Variants in NAV2 observed in about 807,000 individuals in gnomAD.
NAV2 encodes neuron navigator 2, also known as helicase, APC down-regulated 1.
NAV2 carries 54 observed loss-of-function variants against 223.2 expected under a neutral mutation model. The observed-to-expected ratio is 0.24, with a 90% CI of 0.19 to 0.30. The LOEUF is 0.30. Among genes scored for constraint, NAV2 ranks in the 10% least tolerant of loss-of-function variants. NAV2 has a pLI of 1.00. For synonymous variants in NAV2, 1,279 were observed against 1,239.3 expected (o/e 1.03, Z -0.67); for missense variants, 2,806 against 3,147.5 (o/e 0.89, Z 2.60).
chr11:19,886,686 A>G (rs915450870), intron 5 of NAV2, among the ~76,000 whole-genome samples: 2 of 152,184 alleles, frequency 1.3e-5, no homozygotes, highest in African/African-American at 4.8e-5. Context: ...CTGGGGAAAT[A>G]TCTAATTGGA....
intron 11 of NAV2, among the ~76,000 whole-genome samples, chr11:20,028,885 A>G (rs1463109872): frequency 6.6e-6 from 1 of 152,194 alleles, no homozygotes; most frequent in Non-Finnish European, 1.5e-5. Flanking sequence ...CCTCTATACC[A>G]GAGTTTGCAA....
chr11:19,639,269 A>C (rs1306583370), intron 1 of NAV2, among the ~76,000 whole-genome samples: 2 of 152,194 alleles, frequency 1.3e-5, no homozygotes, highest in African/African-American at 4.8e-5. Context: ...AGAAGATGAA[A>C]CAGATTCACT....
chr11:19,405,000 C>G (rs1158940092), intron 1 of NAV2, among the ~76,000 whole-genome samples: 1 of 152,110 alleles, frequency 6.6e-6, no homozygotes, highest in African/African-American at 2.4e-5. Flanking sequence ...AGGCAGTGTA[C>G]AAGGACTGTG....
rs1232912643 is a variant in NAV2 at position 19,533,554 on chromosome 11, C to T, written c.75+182527C>T. Among the ~76,000 whole-genome samples, 6 of 152,238 alleles carry T rather than the reference C, an allele frequency of 3.9e-5. No homozygotes were observed. The East Asian group carries it at 1.2e-3, about 29-fold the overall frequency. On this transcript the variant is annotated intron_variant, in intron 1 of 37. Transcript: ENST00000360655. ...CATCCTCCTGCAGGGCTGGGTGAAA[C>T]CCCAATGAAACCAGGTTCTCCCTGT...
intron 1 of NAV2, among the ~76,000 whole-genome samples, chr11:19,696,722 C>T (rs2049352994): frequency 6.6e-6 from 1 of 152,190 alleles, no homozygotes; most frequent in Non-Finnish European, 1.5e-5. Context: ...AAAACTATTC[C>T]CAAGATGCTG....
intron 3 of NAV2, among the ~76,000 whole-genome samples, chr11:19,845,711 C>A (rs1297021099): frequency 1.3e-5 from 2 of 152,166 alleles, no homozygotes; most frequent in African/African-American, 4.8e-5. Flanking sequence ...CACTAGGCTG[C>A]CCAGCTGCTC....
At chr11:19,574,216 C>A (rs780013777) in intron 1 of NAV2, among the ~76,000 whole-genome samples, 21 of 152,328 alleles carry the variant, frequency 1.4e-4, no homozygotes, top group Non-Finnish European at 3.1e-4. Context: ...ATCATGCTTA[C>A]CTCCCAAACT....
chr11:19,502,498 A>T (rs1174289635), intron 1 of NAV2, among the ~76,000 whole-genome samples: 1 of 152,202 alleles, frequency 6.6e-6, no homozygotes, highest in African/African-American at 2.4e-5. Flanking sequence ...AATTAAGATG[A>T]AGCAGAAAAA....
intron 1 of NAV2, among the ~76,000 whole-genome samples, chr11:19,354,027 A>T (rs887224167): frequency 3.9e-5 from 6 of 152,212 alleles, no homozygotes; most frequent in African/African-American, 1.4e-4. Flanking sequence ...GTTACACTGT[A>T]GAAGTGCCAA....
At chr11:19,840,825 A>G (rs558526644) in intron 2 of NAV2, among the ~76,000 whole-genome samples, 4 of 152,336 alleles carry the variant, frequency 2.6e-5, no homozygotes, top group African/African-American at 9.6e-5. Flanking sequence ...CTTATTTCTT[A>G]GTTCCACTCA....
At chr11:19,870,080 C>G (rs1226899101) in intron 4 of NAV2, among the ~76,000 whole-genome samples, 1 of 152,130 alleles carries the variant, frequency 6.6e-6, no homozygotes, top group Non-Finnish European at 1.5e-5. Flanking sequence ...GTTAATAACT[C>G]TGATGTGCTG....
At chr11:19,692,861 C>T (rs1458233340) in intron 1 of NAV2, among the ~76,000 whole-genome samples, 3 of 152,208 alleles carry the variant, frequency 2.0e-5, no homozygotes, top group Non-Finnish European at 2.9e-5. Context: ...GGGCAGCAAA[C>T]AAGCTGATAG....
intron 1 of NAV2, among the ~76,000 whole-genome samples, chr11:19,788,754 C>A (rs1198243460): frequency 6.6e-6 from 1 of 152,180 alleles, no homozygotes; most frequent in Non-Finnish European, 1.5e-5. Flanking sequence ...CTCATTCTCA[C>A]CTGGGGGAGT....
chr11:19,609,857 C>T (rs909164589), intron 1 of NAV2, among the ~76,000 whole-genome samples: 1 of 152,220 alleles, frequency 6.6e-6, no homozygotes, highest in South Asian at 2.1e-4. Flanking sequence ...AGTGCCAAGA[C>T]TGGACCTCTG....
intron 1 of NAV2, among the ~76,000 whole-genome samples, chr11:19,533,225 G>A (rs1437667311): frequency 6.6e-6 from 1 of 152,018 alleles, no homozygotes; most frequent in Non-Finnish European, 1.5e-5. Context: ...CACAATTGAC[G>A]TTTGGAGCTA....
chr11:19,500,213 C>G (rs1233917399), intron 1 of NAV2, among the ~76,000 whole-genome samples: 2 of 152,062 alleles, frequency 1.3e-5, no homozygotes, highest in Admixed American at 1.3e-4. Context: ...ATGAGAAGCT[C>G]CTCAGGCTGG....
chr11:20,057,263 G>A (rs1212442100), intron 19 of NAV2, among the ~76,000 whole-genome samples: 5 of 152,200 alleles, frequency 3.3e-5, no homozygotes, highest in Non-Finnish European at 7.3e-5. Context: ...TTCTGCTTTT[G>A]CCTAGTGTTC....
chr11:20,053,986 T>C lies in NAV2; in HGVS notation c.4482-94T>C. ...TTAAAAAAAATCATCTTCGGATATA[T>C]GTTTTCTTTTTATATATTTACCATC... On this transcript the variant is annotated intron_variant, in intron 17 of 37. Transcript: ENST00000349880. 2.4e-6 allele frequency: 3 copies of C among 1,256,858 alleles called. 1 individual carries two copies. Among genetic ancestry groups the C allele is most frequent in the Admixed American group, 5.3e-5 (2 of 37,844 alleles). 77.9% of individuals were successfully genotyped at this position (1,256,858 alleles called of 1,614,324 possible). A position where few individuals can be genotyped will look rare whatever the true frequency, so the allele number is the denominator to read the frequency against.
At chr11:19,872,761 C>T (rs1394345289) in intron 4 of NAV2, among the ~76,000 whole-genome samples, 1 of 152,226 alleles carries the variant, frequency 6.6e-6, no homozygotes, top group Non-Finnish European at 1.5e-5. Context: ...TGTTCTAGGG[C>T]ACAGACGGCG....
Sources: allele counts gnomAD v4.1 joint callset (sites outside exome capture counted in the v4.1 genomes callset), GRCh38; gene constraint gnomAD v4.1.1; transcripts MANE v1.5; gene names NCBI Gene and HGNC (gene_info 2026-07-23, HGNC 2026-07-21).